Variants in NLGN4Y observed in about 807,000 individuals in gnomAD.
The protein encoded by NLGN4Y is neuroligin-4, Y-linked.
In NLGN4Y, 4 loss-of-function variants were observed where a neutral mutation model predicts 8.4. The observed-to-expected ratio is 0.48, with a 90% CI of 0.23 to 1.09. The LOEUF (loss-of-function observed/expected upper bound fraction) is 1.09. NLGN4Y is among the 50% of genes least tolerant of loss of function. The pLI is 0.19. For synonymous variants in NLGN4Y, 35 were observed against 75.6 expected, an observed-to-expected ratio of 0.46 and a Z score of 2.78; for missense variants, 90 against 192.3, an observed-to-expected ratio of 0.47 and a Z score of 3.15.
At chrY:14,581,094 G>A in intron 1 of NLGN4Y, among the ~76,000 whole-genome samples, 1 of 31,055 alleles carries the variant, frequency 3.2e-5, no homozygotes, top group Non-Finnish European at 7.7e-5. Flanking sequence ...ATTACGCAGT[G>A]TACTCTTCAA....
At chrY:14,649,797 C>T in intron 2 of NLGN4Y, among the ~76,000 whole-genome samples, 2 of 33,618 alleles carry the variant, frequency 5.9e-5, no homozygotes, top group East Asian at 7.8e-4. Flanking sequence ...AAAAGTCACT[C>T]TTATTTACCA....
At chrY:14,663,394 A>C (rs2080681602) in intron 2 of NLGN4Y, among the ~76,000 whole-genome samples, 1 of 33,343 alleles carries the variant, frequency 3.0e-5, no homozygotes, top group Non-Finnish European at 7.4e-5. Context: ...TTGGATGTAA[A>C]CATATGAGTT....
chrY:14,725,538 C>T (rs533061755), intron 4 of NLGN4Y, among the ~76,000 whole-genome samples: 8 of 33,605 alleles, frequency 2.4e-4, no homozygotes, highest in African/African-American at 7.0e-4. Context: ...TTATTAATTC[C>T]GATTACAAAT....
chrY:14,830,826 A>G, intron 6 of NLGN4Y, among the ~76,000 whole-genome samples: 2 of 33,644 alleles, frequency 5.9e-5, no homozygotes, highest in Non-Finnish European at 1.5e-4. Context: ...GGACTTACAC[A>G]TATATAATGG....
At chrY:14,580,900 A>G (rs2080317376) in intron 1 of NLGN4Y, among the ~76,000 whole-genome samples, 2 of 27,804 alleles carry the variant, frequency 7.2e-5, no homozygotes, top group Non-Finnish European at 1.7e-4. Flanking sequence ...AAAAAAAAAA[A>G]AAAAGAAAAA....
chrY:14,828,604 A>AT (rs2043158286), intron 5 of NLGN4Y, among the ~76,000 whole-genome samples: 1 of 33,420 alleles, frequency 3.0e-5, no homozygotes, highest in Non-Finnish European at 7.4e-5. Context: ...GGTTAAAGCC[A>AT]TATTGGTTTC....
intron 1 of NLGN4Y, among the ~76,000 whole-genome samples, chrY:14,602,805 G>A (rs573874267): frequency 0.087 from 2,865 of 33,105 alleles, no homozygotes; most frequent in East Asian, 0.059. Context: ...AACACTGCAT[G>A]TTCTCACTTA....
intron 3 of NLGN4Y, among the ~76,000 whole-genome samples, chrY:14,721,225 C>A (rs2080933732): frequency 3.0e-5 from 1 of 33,416 alleles, no homozygotes; most frequent in African/African-American, 1.2e-4. Flanking sequence ...CACTTTAAAG[C>A]AGCCCTTCAA....
chrY:14,643,837 G>A, intron 2 of NLGN4Y, among the ~76,000 whole-genome samples: 1 of 33,865 alleles, frequency 3.0e-5, no homozygotes, highest in Non-Finnish European at 7.3e-5. Context: ...ATTGTAGAGC[G>A]TTAGGCAATT....
intron 4 of NLGN4Y, among the ~76,000 whole-genome samples, chrY:14,759,848 C>CT (rs2081075224): frequency 6.1e-5 from 2 of 33,000 alleles, no homozygotes; most frequent in African/African-American, 1.2e-4. Context: ...GGGATATAAT[C>CT]TTTTTTTTCC....
chrY:14,551,208 G>A (rs2080191437), intron 1 of NLGN4Y, among the ~76,000 whole-genome samples: 1 of 33,458 alleles, frequency 3.0e-5, no homozygotes, highest in African/African-American at 1.2e-4. Context: ...TTACATAATG[G>A]TAAAGGGATC....
intron 2 of NLGN4Y, among the ~76,000 whole-genome samples, chrY:14,638,692 G>T (rs991856246): frequency 6.7e-4 from 22 of 33,080 alleles, no homozygotes; most frequent in Admixed American, 2.8e-4. Flanking sequence ...AATTTGAGTA[G>T]CCATCAGAAG....
At chrY:14,570,308 C>A in intron 1 of NLGN4Y, among the ~76,000 whole-genome samples, 1 of 33,435 alleles carries the variant, frequency 3.0e-5, no homozygotes, top group Non-Finnish European at 7.4e-5. Context: ...GTATGACCTG[C>A]CTTTAGGAGG....
At chrY:14,816,010 G>T in intron 4 of NLGN4Y, among the ~76,000 whole-genome samples, 1 of 33,547 alleles carries the variant, frequency 3.0e-5, no homozygotes, top group African/African-American at 1.2e-4. Context: ...CACATCACAG[G>T]CTTTGACTAC....
At chrY:14,605,410 G>T in intron 1 of NLGN4Y, among the ~76,000 whole-genome samples, 1 of 32,783 alleles carries the variant, frequency 3.1e-5, no homozygotes, top group African/African-American at 1.2e-4. Flanking sequence ...CCATTGATGG[G>T]CACTTAGGTT....
chrY:14,627,644 C>T, intron 2 of NLGN4Y, among the ~76,000 whole-genome samples: 1 of 34,342 alleles, frequency 2.9e-5, no homozygotes, highest in African/African-American at 1.1e-4. Flanking sequence ...GCAAGCGCCG[C>T]GCACAGCCCA....
chrY:14,663,246 G>A (rs2080681028), intron 2 of NLGN4Y, among the ~76,000 whole-genome samples: 2 of 33,356 alleles, frequency 6.0e-5, no homozygotes, highest in Non-Finnish European at 1.5e-4. Flanking sequence ...TTGTGTATGT[G>A]TAGCCCATTT....
chrY:14,655,980 C>A (rs1603502165), intron 2 of NLGN4Y, among the ~76,000 whole-genome samples: 1 of 32,876 alleles, frequency 3.0e-5, no homozygotes, highest in East Asian at 8.2e-4. Context: ...TAAATTAGAG[C>A]TTTAAGTTAT....
intron 4 of NLGN4Y, among the ~76,000 whole-genome samples, chrY:14,821,125 G>A: frequency 3.0e-5 from 1 of 33,535 alleles, no homozygotes; most frequent in African/African-American, 1.2e-4. Flanking sequence ...AGGGTCCAGC[G>A]GTACTCACCA....
Sources: gnomAD v4.1 joint callset for allele counts (sites outside exome capture counted in the v4.1 genomes callset) on GRCh38, gnomAD v4.1.1 for gene constraint, MANE v1.5 for transcripts, NCBI Gene and HGNC (gene_info 2026-07-23, HGNC 2026-07-21) for gene names.